Variants in CHRM3 observed in about 807,000 individuals in gnomAD.
The protein encoded by CHRM3 is muscarinic acetylcholine receptor M3.
A neutral mutation model predicts 41.8 loss-of-function variants in CHRM3; 11 were observed. The observed-to-expected ratio is 0.26, with a 90% CI of 0.17 to 0.44. CHRM3 has a LOEUF of 0.44. CHRM3 is among the 20% of genes least tolerant of loss of function. The pLI is 1.00. For missense variants in CHRM3, 571 were observed against 745.4 expected (o/e 0.77, Z 2.72); for synonymous variants, 297 against 301.4 (o/e 0.99, Z 0.15).
intron 3 of CHRM3, among the ~76,000 whole-genome samples, chr1:239,575,353 C>A (rs1300034993): frequency 2.6e-5 from 4 of 152,280 alleles, no homozygotes; most frequent in African/African-American, 9.6e-5. Context: ...ATACCTCCGG[C>A]TGACTAAAGC....
At chr1:239,904,459 C>T (rs778656130) in intron 6 of CHRM3, among the ~76,000 whole-genome samples, 5 of 152,136 alleles carry the variant, frequency 3.3e-5, no homozygotes, top group Admixed American at 6.5e-5. Context: ...TACATAGTCA[C>T]AGGTGCAATG....
chr1:239,461,538 G>A (rs540628821), intron 1 of CHRM3, among the ~76,000 whole-genome samples: 48 of 151,818 alleles, frequency 3.2e-4, no homozygotes, highest in African/African-American at 9.9e-4. Context: ...CTTCTGTTAT[G>A]TGTATGTTTA....
chr1:239,662,375 C>T (rs553965993), intron 4 of CHRM3, among the ~76,000 whole-genome samples: 3 of 152,118 alleles, frequency 2.0e-5, no homozygotes, highest in Non-Finnish European at 2.9e-5. Context: ...TTATGAAAAC[C>T]TTTAACCTTG....
chr1:239,775,729 C>A (rs942853552), intron 5 of CHRM3, among the ~76,000 whole-genome samples: 7 of 152,152 alleles, frequency 4.6e-5, no homozygotes, highest in Admixed American at 4.6e-4. Flanking sequence ...TGGCATATTG[C>A]ACCAGTCATC....
chr1:239,749,879 G>C (rs1665667203), intron 5 of CHRM3, among the ~76,000 whole-genome samples: 2 of 152,144 alleles, frequency 1.3e-5, no homozygotes, highest in African/African-American at 2.4e-5. Context: ...AAGTTTCCTG[G>C]CCAAATGGTG....
chr1:239,634,140 C>T (rs533361151), intron 4 of CHRM3, among the ~76,000 whole-genome samples: 47 of 152,280 alleles, frequency 3.1e-4, no homozygotes, highest in African/African-American at 1.0e-3. Flanking sequence ...ACAGCTGCCT[C>T]GATGCTGGTC....
At chr1:239,798,216 T>C (rs887109232) in intron 5 of CHRM3, among the ~76,000 whole-genome samples, 40 of 152,172 alleles carry the variant, frequency 2.6e-4, no homozygotes, top group Non-Finnish European at 2.6e-4. Flanking sequence ...ATATAACATA[T>C]ATAAAATATG....
chr1:239,665,604 G>T lies in CHRM3; in HGVS notation c.-249-12582G>T, dbSNP rs554902905. 4.6e-5 allele frequency among the ~76,000 whole-genome samples: 7 copies of T among 151,998 alleles called. No homozygotes were observed. In the South Asian group the frequency reaches 1.0e-3, roughly 23 times the overall value. On this transcript the variant is annotated intron_variant, in intron 4 of 6. Coordinates refer to ENST00000676153, the MANE Select transcript of CHRM3 (RefSeq NM_001375978.1). The stretch of plus-strand genomic sequence containing the variant: ...GTTACATAGGTATACACGTGCCATG[G>T]TGGTTTGCTGCACCCATCAACCCAT...
chr1:239,798,993 C>T (rs1346565246), intron 5 of CHRM3, among the ~76,000 whole-genome samples: 1 of 152,128 alleles, frequency 6.6e-6, no homozygotes, highest in African/African-American at 2.4e-5. Context: ...GTGTAGCTAG[C>T]AGGAGGCAGG....
At chr1:239,736,960 AT>A (rs1664444745) in intron 5 of CHRM3, among the ~76,000 whole-genome samples, 1 of 152,150 alleles carries the variant, frequency 6.6e-6, no homozygotes, top group Non-Finnish European at 1.5e-5. Flanking sequence ...ACACATTTAT[AT>A]TTGTATAGAA....
intron 5 of CHRM3, among the ~76,000 whole-genome samples, chr1:239,760,162 T>G (rs1413217140): frequency 6.6e-6 from 1 of 151,812 alleles, no homozygotes; most frequent in African/African-American, 2.4e-5. Flanking sequence ...CCTGACCTCG[T>G]GATCCGCCCA....
At chr1:239,798,331 C>T (rs1373948452) in intron 5 of CHRM3, among the ~76,000 whole-genome samples, 8 of 152,154 alleles carry the variant, frequency 5.3e-5, no homozygotes, top group Admixed American at 3.9e-4. Flanking sequence ...TGTGGGTTTT[C>T]GATTGATGGA....
chr1:239,532,453 C>G (rs539810747), intron 2 of CHRM3, among the ~76,000 whole-genome samples: 65 of 150,578 alleles, frequency 4.3e-4, no homozygotes, highest in African/African-American at 1.6e-3. Context: ...TGGTGAAACC[C>G]CCTCTCTACT....
intron 6 of CHRM3, among the ~76,000 whole-genome samples, chr1:239,887,429 T>C (rs1477154128): frequency 1.3e-5 from 2 of 152,180 alleles, no homozygotes; most frequent in African/African-American, 2.4e-5. Context: ...TTCAAACTCC[T>C]AACCTCAAGT....
intron 1 of CHRM3, among the ~76,000 whole-genome samples, chr1:239,440,565 A>G (rs1313290131): frequency 2.6e-5 from 4 of 152,222 alleles, no homozygotes; most frequent in Non-Finnish European, 5.9e-5. Context: ...TATAGGAGAA[A>G]TGGTAGAATT....
chr1:239,845,164 G>T (rs1243200544), intron 6 of CHRM3, among the ~76,000 whole-genome samples: 1 of 152,146 alleles, frequency 6.6e-6, no homozygotes, highest in African/African-American at 2.4e-5. Context: ...CAATGCATAT[G>T]AAAGAGCCAG....
intron 6 of CHRM3, among the ~76,000 whole-genome samples, chr1:239,841,119 A>G (rs1389837239): frequency 1.3e-5 from 2 of 152,226 alleles, no homozygotes; most frequent in Non-Finnish European, 2.9e-5. Context: ...AGCAAAGATT[A>G]AGGGAGAACA....
chr1:239,713,261 A>T (rs1661996504), intron 5 of CHRM3, among the ~76,000 whole-genome samples: 1 of 152,158 alleles, frequency 6.6e-6, no homozygotes, highest in Non-Finnish European at 1.5e-5. Flanking sequence ...ACACACCCTT[A>T]ACCAAGTCAT....
intron 6 of CHRM3, among the ~76,000 whole-genome samples, chr1:239,861,306 T>A (rs1196614732): frequency 6.6e-6 from 1 of 152,126 alleles, no homozygotes; most frequent in East Asian, 1.9e-4. Flanking sequence ...TAATGGGACA[T>A]TGACCCAGAT....
Sources: allele counts gnomAD v4.1 joint callset (sites outside exome capture counted in the v4.1 genomes callset), GRCh38; gene constraint gnomAD v4.1.1; transcripts MANE v1.5; gene names NCBI Gene and HGNC (gene_info 2026-07-23, HGNC 2026-07-21).